Variants in COL12A1 observed in about 807,000 individuals in gnomAD.
COL12A1 encodes collagen type XII alpha 1 chain, also known as collagen alpha-1(XII) chain.
In COL12A1, 114 loss-of-function variants were observed where a neutral mutation model predicts 349.7. That is an observed-to-expected ratio of 0.33 (90% CI 0.28 to 0.38). The LOEUF (loss-of-function observed/expected upper bound fraction) is 0.38. Ranked by LOEUF, COL12A1 falls within the 10% of genes least tolerant of loss-of-function variation. The probability of loss-of-function intolerance (pLI) is 1.00; values close to 1 mark genes in which losing one functional copy is unlikely to be tolerated. For synonymous variants in COL12A1, 1,369 were observed against 1,329.0 expected (o/e 1.03, Z -0.66); for missense variants, 3,284 against 3,756.9 (o/e 0.87, Z 3.29).
Position 75,102,606 on chromosome 6 carries a change from C to T in COL12A1, c.8406G>A (p.Pro2802=), listed in dbSNP as rs761216954. The change falls in exon 56 of 66, where the codon CCG becomes CCA. Residue 2802 remains proline, a synonymous_variant. Coordinates refer to ENST00000322507, the MANE Select transcript of COL12A1 (RefSeq NM_004370.6). ...GPQGPNGLSI[P]GEQGRQGMKG... ...AAGGCTTTGTGCTTACTTGCTCTCC[C>T]GGAATAGAGAGTCCATTGGGTCCCT... 9.1e-6 allele frequency: 14 copies of T among 1,540,750 alleles called. No homozygotes were observed. In the Admixed American group the frequency reaches 1.4e-4, roughly 16 times the overall value.
intron 31 of COL12A1, among the ~76,000 whole-genome samples, chr6:75,135,065 A>G (rs889725602): frequency 7.4e-4 from 112 of 152,028 alleles, no homozygotes; most frequent in African/African-American, 2.7e-3. Flanking sequence ...CAAGCTTTAA[A>G]CTGGTGACCC....
intron 13 of COL12A1, among the ~76,000 whole-genome samples, chr6:75,171,935 A>G (rs1768657600): frequency 6.6e-6 from 1 of 152,254 alleles, no homozygotes; most frequent in Non-Finnish European, 1.5e-5. Flanking sequence ...CCTTCACTGC[A>G]GTAAAGCACT....
chr6:75,175,021 A>T lies in COL12A1; in HGVS notation c.2710+17T>A, dbSNP rs764214021. ...CAAACAAGTTCCTGGATTTTCAGAA[A>T]ATATGATGGTAATTACCTTCAAGTG... is the stretch of plus-strand genomic sequence containing the variant. On this transcript the variant is annotated intron_variant, in intron 13 of 65. Coordinates refer to ENST00000322507, the MANE Select transcript of COL12A1 (RefSeq NM_004370.6). 6.2e-7 allele frequency: 1 copy of T among 1,611,032 alleles called. No homozygotes were observed. The highest frequency in any genetic ancestry group is 8.5e-7 in the Non-Finnish European group (1 of 1,178,254).
intron 14 of COL12A1, among the ~76,000 whole-genome samples, chr6:75,164,177 C>T (rs1179326651): frequency 6.6e-6 from 1 of 152,156 alleles, no homozygotes; most frequent in Non-Finnish European, 1.5e-5. Context: ...TGTCTTCTCA[C>T]ATATTTAAAT....
intron 2 of COL12A1, among the ~76,000 whole-genome samples, chr6:75,195,460 T>A (rs560818738): frequency 2.1e-3 from 314 of 152,286 alleles, no homozygotes; most frequent in Admixed American, 3.9e-3. Context: ...TCTGCATTAT[T>A]TGCCTTGTAA....
intron 16 of COL12A1, 85 bp downstream of exon 16, chr6:75,155,577 T>C: frequency 7.6e-7 from 1 of 1,323,264 alleles, no homozygotes; most frequent in Non-Finnish European, 1.0e-6. Context: ...GTGATATTTG[T>C]GTAAAGCCTA....
rs748445921 is a variant in COL12A1 at position 75,113,720 on chromosome 6, A to G, written c.7722T>C (p.Pro2574=). 10 of 1,597,350 alleles carry G rather than the reference A, an allele frequency of 6.3e-6. No individual in the cohort carries two copies. The highest frequency in any genetic ancestry group is 8.6e-6 in the Non-Finnish European group (10 of 1,169,170). Residue 2574 remains proline, a synonymous_variant, in exon 50 of 66, where the codon CCT becomes CCC. Coordinates refer to ENST00000322507, the MANE Select transcript of COL12A1 (RefSeq NM_004370.6). ...ATAATAATATAATCGTGTATGAAGG[A>G]GGGAGTCCATTTGGGTGTAGGTCTC... ...PTADLHPNGL[P]PSYTIILLFR...
Position 75,175,213 on chromosome 6 carries a change from G to T in COL12A1, c.2535C>A (p.Leu845=), listed in dbSNP as rs372378385. The T allele has an allele frequency of 6.2e-7, 1 of 1,614,098 alleles. No homozygotes were observed. Among genetic ancestry groups the T allele is most frequent in the Non-Finnish European group, 8.5e-7 (1 of 1,180,008 alleles). The part of the protein sequence containing the change: ...SGAPGKVKQY[L]VTYTPVAGGE... ...CCCCTGCCACTGGGGTATATGTGAC[G>T]AGATACTGTTTCACTTTTCCTGGTG... Residue 845 remains leucine (L), a synonymous_variant, in exon 13 of 66, where the codon CTC becomes CTA. Coordinates refer to ENST00000322507, the MANE Select transcript of COL12A1 (RefSeq NM_004370.6).
intron 14 of COL12A1, among the ~76,000 whole-genome samples, chr6:75,158,225 C>T (rs1251652049): frequency 6.6e-6 from 1 of 152,004 alleles, no homozygotes; most frequent in Non-Finnish European, 1.5e-5. Context: ...TTTGTGGAGG[C>T]AATTTGGGTT....
chr6:75,193,941 A>G (rs970114974), intron 3 of COL12A1, among the ~76,000 whole-genome samples: 6 of 152,132 alleles, frequency 3.9e-5, no homozygotes, highest in Non-Finnish European at 7.4e-5. Context: ...ATTCCATGGC[A>G]TATATGTGCC....
chr6:75,093,985 A>G (rs1210360708), intron 60 of COL12A1, among the ~76,000 whole-genome samples: 1 of 152,198 alleles, frequency 6.6e-6, no homozygotes, highest in Non-Finnish European at 1.5e-5. Flanking sequence ...CAAAGTTTCT[A>G]CCATGATCCA....
At chr6:75,130,486 CACTATA>C (rs1412744883) in intron 36 of COL12A1, among the ~76,000 whole-genome samples, 1 of 152,072 alleles carries the variant, frequency 6.6e-6, no homozygotes, top group Non-Finnish European at 1.5e-5. Context: ...TTATTTTAAC[CACTATA>C]ACTATATCTA....
intron 14 of COL12A1, among the ~76,000 whole-genome samples, chr6:75,164,837 T>C (rs1019620692): frequency 1.3e-5 from 2 of 149,010 alleles, no homozygotes; most frequent in African/African-American, 5.1e-5. Flanking sequence ...TCATAATTAT[T>C]TACAAAAAAA....
chr6:75,121,534 C>CG, intron 43 of COL12A1, 93 bp from the exon 44 acceptor site: 1 of 1,381,246 alleles, frequency 7.2e-7, no homozygotes, highest in Non-Finnish European at 9.5e-7. Context: ...TAACACCTTG[C>CG]TACGCAAAGT....
intron 2 of COL12A1, among the ~76,000 whole-genome samples, chr6:75,202,017 G>C (rs546977627): frequency 3.8e-4 from 58 of 152,300 alleles, no homozygotes; most frequent in Non-Finnish European, 7.4e-4. Context: ...TTCCCAGGCT[G>C]GAAACCTTGG....
chr6:75,200,978 A>T (rs1401269761), intron 2 of COL12A1, among the ~76,000 whole-genome samples: 3 of 152,102 alleles, frequency 2.0e-5, no homozygotes, highest in Admixed American at 6.5e-5. Context: ...TATGGAAATA[A>T]ATACAAATTT....
chr6:75,134,591 A>C (rs1766488558), intron 32 of COL12A1, 135 bp downstream of exon 32: 6 of 801,960 alleles, frequency 7.5e-6, no homozygotes, highest in Admixed American at 4.1e-5. Context: ...AAAAGAAAAA[A>C]CTATTAATAT....
rs1032874817 is a variant in COL12A1 at position 75,106,617 on chromosome 6, G to C, written c.8101-121C>G. The C allele has an allele frequency of 7.7e-6, 6 of 778,662 alleles. No homozygotes were observed. The Admixed American group carries it at 8.3e-5, about 11-fold the overall frequency. The allele number at this position is 778,662 out of a possible 1,614,324, so 48.2% of individuals were successfully genotyped here. On this transcript the variant is annotated intron_variant, in intron 52 of 65. Coordinates refer to ENST00000322507, the MANE Select transcript of COL12A1 (RefSeq NM_004370.6). Reference sequence around the variant, plus strand: ...CTCTCTCAAGGGTGTGAGCCATTGAGAGCAATGTGATCCTTACTTCATGAG... The same window carrying C: ...CTCTCTCAAGGGTGTGAGCCATTGACAGCAATGTGATCCTTACTTCATGAG...
chr6:75,126,065 A>T (rs1765998509), intron 39 of COL12A1, among the ~76,000 whole-genome samples: 1 of 152,104 alleles, frequency 6.6e-6, no homozygotes, highest in South Asian at 2.1e-4. Flanking sequence ...TCATGATCAT[A>T]TAGGATGTCT....
Sources: allele counts gnomAD v4.1 joint callset (sites outside exome capture counted in the v4.1 genomes callset), GRCh38; gene constraint gnomAD v4.1.1; transcripts MANE v1.5; gene names NCBI Gene and HGNC (gene_info 2026-07-23, HGNC 2026-07-21).